The following TMCO4 variants were observed in gnomAD, a reference collection of about 807,000 sequenced individuals.
The protein encoded by TMCO4 is transmembrane and coiled-coil domain-containing protein 4.
TMCO4 carries 58 observed loss-of-function variants against 64.7 expected under a neutral mutation model. That is an observed-to-expected ratio of 0.90 (90% confidence interval 0.73 to 1.12). The LOEUF is 1.12. TMCO4 is among the 50% of genes most tolerant of loss of function. The probability of loss-of-function intolerance (pLI) is 0.00; values close to 1 mark genes in which losing one functional copy is unlikely to be tolerated. For synonymous variants in TMCO4, 325 were observed against 346.1 expected (o/e 0.94, Z 0.68); for missense variants, 780 against 825.9 (o/e 0.94, Z 0.68).
At chr1:19,694,633 G>GA in intron 14 of TMCO4, 82 bp from the exon 15 acceptor site, 1 of 1,320,260 alleles carries the variant, frequency 7.6e-7, no homozygotes, top group Non-Finnish European at 1.1e-6. Flanking sequence ...CTGCCTCCTG[G>GA]GGAAGCCAGG....
chr1:19,783,223 T>C (rs1425237948), intron 3 of TMCO4, among the ~76,000 whole-genome samples: 4 of 152,198 alleles, frequency 2.6e-5, no homozygotes, highest in Non-Finnish European at 4.4e-5. Flanking sequence ...AGTAGGACTG[T>C]AATGTTCAGT....
chr1:19,720,962 A>AT (rs1491223357), intron 13 of TMCO4, among the ~76,000 whole-genome samples: 2 of 152,090 alleles, frequency 1.3e-5, no homozygotes, highest in Non-Finnish European at 1.5e-5. Context: ...GAAAAAAAAA[A>AT]CAGTTTCCAT....
At chr1:19,741,263 A>G (rs1417659671) in intron 10 of TMCO4, among the ~76,000 whole-genome samples, 2 of 152,246 alleles carry the variant, frequency 1.3e-5, no homozygotes, top group African/African-American at 4.8e-5. Context: ...GGTAGGTATA[A>G]GAATGAAATG....
intron 6 of TMCO4, among the ~76,000 whole-genome samples, chr1:19,768,071 G>A (rs546831436): frequency 2.2e-4 from 33 of 149,652 alleles, no homozygotes; most frequent in African/African-American, 8.0e-4. Flanking sequence ...CCAGCCTGGC[G>A]GACAAGAGCG....
At chr1:19,719,416 T>C (rs1482464483) in intron 13 of TMCO4, among the ~76,000 whole-genome samples, 1 of 152,226 alleles carries the variant, frequency 6.6e-6, no homozygotes, top group Non-Finnish European at 1.5e-5. Flanking sequence ...GGGAAGCTAA[T>C]AGTTCAGTTA....
chr1:19,705,179 C>T (rs751502163), intron 13 of TMCO4, among the ~76,000 whole-genome samples: 19 of 152,062 alleles, frequency 1.2e-4, no homozygotes, highest in Non-Finnish European at 2.4e-4. Context: ...AGGCGGGCAC[C>T]GTGGCTCACA....
chr1:19,741,013 A>G, intron 10 of TMCO4, 72 bp from the exon 11 acceptor site: 1 of 1,461,454 alleles, frequency 6.8e-7, no homozygotes, highest in Non-Finnish European at 9.1e-7. Context: ...TACCCCAGAC[A>G]AGGAGCACCA....
chr1:19,790,918 T>C (rs10454448), intron 2 of TMCO4, among the ~76,000 whole-genome samples: 1,611 of 152,238 alleles, frequency 0.011, 17 homozygotes, highest in South Asian at 0.03. Flanking sequence ...CAAATGCCCA[T>C]TGATGATAGA....
chr1:19,687,904 C>A (rs549066172), intron 15 of TMCO4, among the ~76,000 whole-genome samples: 2 of 152,286 alleles, frequency 1.3e-5, no homozygotes, highest in East Asian at 3.9e-4. Flanking sequence ...CTGAGCCACC[C>A]CTCTGCAAAG....
intron 4 of TMCO4, 68 bp from the exon 5 acceptor site, chr1:19,771,550 T>G (rs931136992): frequency 1.3e-6 from 2 of 1,515,822 alleles, no homozygotes; most frequent in African/African-American, 1.4e-5. Context: ...CAGTGTAGAT[T>G]AGTTGTGGTC....
At chr1:19,772,769 C>T (rs2043040505) in intron 4 of TMCO4, among the ~76,000 whole-genome samples, 1 of 152,208 alleles carries the variant, frequency 6.6e-6, no homozygotes, top group African/African-American at 2.4e-5. Flanking sequence ...CTCTCAGAAA[C>T]AAGCAGAGCT....
intron 4 of TMCO4, among the ~76,000 whole-genome samples, chr1:19,776,359 A>G (rs2043203521): frequency 6.6e-6 from 1 of 152,214 alleles, no homozygotes; most frequent in Non-Finnish European, 1.5e-5. Context: ...GTTTATAACA[A>G]CGCTTGGATA....
At chr1:19,726,176 A>T (rs2095408033) in intron 13 of TMCO4, among the ~76,000 whole-genome samples, 1 of 152,202 alleles carries the variant, frequency 6.6e-6, no homozygotes, top group Non-Finnish European at 1.5e-5. Flanking sequence ...GCCACATTCT[A>T]GCAGGGGAGA....
intron 13 of TMCO4, among the ~76,000 whole-genome samples, chr1:19,715,655 G>A (rs1209488963): frequency 6.6e-6 from 1 of 152,184 alleles, no homozygotes; most frequent in Non-Finnish European, 1.5e-5. Flanking sequence ...AAAGGCAGTC[G>A]GTAACTCTCC....
intron 2 of TMCO4, among the ~76,000 whole-genome samples, chr1:19,794,785 A>G (rs2044222607): frequency 6.6e-6 from 1 of 152,260 alleles, no homozygotes; most frequent in Non-Finnish European, 1.5e-5. Context: ...AAAATATGAT[A>G]TATACACACA....
intron 15 of TMCO4, among the ~76,000 whole-genome samples, chr1:19,684,249 C>T (rs2095129777): frequency 6.6e-6 from 1 of 151,954 alleles, no homozygotes; most frequent in African/African-American, 2.4e-5. Context: ...TCTCCCACCT[C>T]AGCCTCCTGA....
intron 13 of TMCO4, among the ~76,000 whole-genome samples, chr1:19,708,005 C>T (rs1463861964): frequency 6.6e-6 from 1 of 152,152 alleles, no homozygotes; most frequent in Non-Finnish European, 1.5e-5. Context: ...AATCGCCTCC[C>T]ACCAGGCCTC....
intron 2 of TMCO4, among the ~76,000 whole-genome samples, chr1:19,787,724 T>C (rs1393309181): frequency 1.3e-5 from 2 of 152,290 alleles, no homozygotes; most frequent in East Asian, 3.9e-4. Flanking sequence ...CCTCAACTAA[T>C]TTGAGCTTCA....
At chr1:19,759,101 CAAAA>C (rs1163885215) in intron 6 of TMCO4, among the ~76,000 whole-genome samples, 5 of 21,174 alleles carry the variant, frequency 2.4e-4, no homozygotes, top group Non-Finnish European at 5.5e-4. Flanking sequence ...GACTCGGTCT[CAAAA>C]AAAAAAAAAA....
Sources: allele counts gnomAD v4.1 joint callset (sites outside exome capture counted in the v4.1 genomes callset), GRCh38; gene constraint gnomAD v4.1.1; transcripts MANE v1.5; gene names NCBI Gene and HGNC (gene_info 2026-07-23, HGNC 2026-07-21).